SNTG1: variants seen among roughly 807,000 people sequenced by gnomAD.
The protein encoded by SNTG1 is gamma-1-syntrophin.
Under a neutral mutation model 74.7 loss-of-function variants are expected in SNTG1, and 39 were observed. The observed-to-expected ratio is 0.52, with a 90% CI of 0.40 to 0.68. The LOEUF (loss-of-function observed/expected upper bound fraction) is 0.68, where lower values mean the gene tolerates loss of function less well. Ranked by LOEUF, SNTG1 falls within the 30% of genes least tolerant of loss-of-function variation. The pLI is 0.00. For synonymous variants in SNTG1, 254 were observed against 217.1 expected, an observed-to-expected ratio of 1.17 and a Z score of -1.49; for missense variants, 685 against 609.5, an observed-to-expected ratio of 1.12 and a Z score of -1.30.
At chr8:50,327,584 G>A (rs918711855) in intron 2 of SNTG1, among the ~76,000 whole-genome samples, 8 of 152,146 alleles carry the variant, frequency 5.3e-5, no homozygotes, top group African/African-American at 1.9e-4. Flanking sequence ...AAAACATATA[G>A]TTGATTTTTA....
intron 8 of SNTG1, among the ~76,000 whole-genome samples, chr8:50,485,726 T>C (rs1161748549): frequency 2.0e-5 from 3 of 151,532 alleles, no homozygotes; most frequent in South Asian, 2.1e-4. Flanking sequence ...TTTGGTGTTT[T>C]AGACATGAAG....
intron 8 of SNTG1, among the ~76,000 whole-genome samples, chr8:50,463,830 T>A (rs1419183023): frequency 6.6e-6 from 1 of 152,218 alleles, no homozygotes; most frequent in Non-Finnish European, 1.5e-5. Flanking sequence ...CCTCTCTAGC[T>A]ATGAAAGTCC....
chr8:50,473,095 C>A (rs1306298144), intron 8 of SNTG1, among the ~76,000 whole-genome samples: 1 of 152,116 alleles, frequency 6.6e-6, no homozygotes, highest in Non-Finnish European at 1.5e-5. Flanking sequence ...TCTTGAATTG[C>A]AATCCCCACG....
intron 1 of SNTG1, among the ~76,000 whole-genome samples, chr8:50,115,575 A>AAAAAAAAAAAAAAAAAAAAAAC (rs1563617637): frequency 1.4e-4 from 21 of 144,862 alleles, no homozygotes; most frequent in Middle Eastern, 3.5e-3. Flanking sequence ...CTCAAAAAAA[A>AAAAAAAAAAAAAAAAAAAAAAC]AAAAAAAAAA....
chr8:50,345,228 A>T (rs1327019758), intron 2 of SNTG1, among the ~76,000 whole-genome samples: 1 of 152,242 alleles, frequency 6.6e-6, no homozygotes, highest in African/African-American at 2.4e-5. Flanking sequence ...TGGAACAGGC[A>T]CAGAATAGAC....
intron 2 of SNTG1, among the ~76,000 whole-genome samples, chr8:50,357,809 C>T (rs2091859631): frequency 6.6e-6 from 1 of 151,970 alleles, no homozygotes; most frequent in Non-Finnish European, 1.5e-5. Flanking sequence ...ATGAAATAAG[C>T]TTCATAAGAA....
intron 1 of SNTG1, among the ~76,000 whole-genome samples, chr8:50,098,721 A>G (rs2080020137): frequency 6.6e-6 from 1 of 152,176 alleles, no homozygotes; most frequent in Non-Finnish European, 1.5e-5. Flanking sequence ...TGAACAAGTT[A>G]TGTGTTTGAA....
intron 15 of SNTG1, among the ~76,000 whole-genome samples, chr8:50,659,184 A>C (rs1207880992): frequency 6.6e-6 from 1 of 152,212 alleles, no homozygotes; most frequent in Admixed American, 6.6e-5. Flanking sequence ...GTCATATATC[A>C]GTTGAATTTC....
chr8:50,178,410 C>T (rs2083080011), intron 2 of SNTG1, among the ~76,000 whole-genome samples: 2 of 146,120 alleles, frequency 1.4e-5, no homozygotes, highest in South Asian at 4.3e-4. Flanking sequence ...CGTGCGCGCG[C>T]ACACACACAC....
intron 15 of SNTG1, among the ~76,000 whole-genome samples, chr8:50,691,780 A>T (rs978126294): frequency 2.0e-5 from 3 of 151,976 alleles, no homozygotes; most frequent in African/African-American, 4.8e-5. Context: ...TATTTCCTGA[A>T]TTTGAATGTT....
chr8:50,328,625 A>G (rs1587152290), intron 2 of SNTG1, among the ~76,000 whole-genome samples: 1 of 152,254 alleles, frequency 6.6e-6, no homozygotes, highest in East Asian at 1.9e-4. Context: ...CATAGGAGAA[A>G]CCACCTCATG....
rs2080999845 is a variant in SNTG1, at chr8:50,121,621, A to G, written c.-102-50940A>G. Among the ~76,000 whole-genome samples the G allele has an allele frequency of 1.4e-5, 2 of 142,538 alleles. 1 individual carries two copies. The highest frequency in any genetic ancestry group is 5.1e-5 in the African/African-American group (2 of 39,348). 93.5% of individuals were successfully genotyped at this position (142,538 alleles called of 152,430 possible). A position where few individuals can be genotyped will look rare whatever the true frequency, so the allele number is the denominator to read the frequency against. ...TATTTTAGAATAATTAGAAACTGAA[A>G]CTAGTGACAGAGAAGGAGAATTTGT... On this transcript the variant is annotated intron_variant, in intron 1 of 18. Coordinates refer to ENST00000642720, the MANE Select transcript of SNTG1 (RefSeq NM_018967.5).
At chr8:50,473,461 T>C (rs2093669335) in intron 8 of SNTG1, among the ~76,000 whole-genome samples, 1 of 152,142 alleles carries the variant, frequency 6.6e-6, no homozygotes, top group Non-Finnish European at 1.5e-5. Context: ...TCCTGTGCAC[T>C]ATTGGTGGAA....
chr8:50,335,451 T>C (rs568364124), intron 2 of SNTG1, among the ~76,000 whole-genome samples: 74 of 152,312 alleles, frequency 4.9e-4, no homozygotes, highest in African/African-American at 1.7e-3. Context: ...TTGTTTGTGG[T>C]AGGAATACAC....
At chr8:49,919,747 G>T (rs556144958) in intron 1 of SNTG1, among the ~76,000 whole-genome samples, 1 of 152,002 alleles carries the variant, frequency 6.6e-6, no homozygotes, top group Non-Finnish European at 1.5e-5. Flanking sequence ...TCTATATTTG[G>T]TGACTTTTTT....
intron 8 of SNTG1, among the ~76,000 whole-genome samples, chr8:50,489,457 T>A (rs1171294460): frequency 6.6e-6 from 1 of 152,224 alleles, no homozygotes; most frequent in African/African-American, 2.4e-5. Flanking sequence ...GACCTTTTAA[T>A]GATCGCCATT....
At chr8:50,550,624 T>C (rs989344585) in intron 11 of SNTG1, among the ~76,000 whole-genome samples, 1 of 151,910 alleles carries the variant, frequency 6.6e-6, no homozygotes, top group Admixed American at 6.6e-5. Context: ...AAGTGCAGAG[T>C]GGAAAAACAA....
intron 1 of SNTG1, among the ~76,000 whole-genome samples, chr8:50,063,959 T>A (rs1313131507): frequency 1.3e-5 from 2 of 152,200 alleles, no homozygotes; most frequent in African/African-American, 4.8e-5. Context: ...CTAGCCAGAC[T>A]ACTTGAGTTC....
chr8:50,254,251 A>G (rs2086777206), intron 2 of SNTG1, among the ~76,000 whole-genome samples: 1 of 152,220 alleles, frequency 6.6e-6, no homozygotes, highest in Non-Finnish European at 1.5e-5. Context: ...ATGAAACTCA[A>G]AGACTATATT....
Sources: allele counts gnomAD v4.1 joint callset (sites outside exome capture counted in the v4.1 genomes callset), GRCh38; gene constraint gnomAD v4.1.1; transcripts MANE v1.5; gene names NCBI Gene and HGNC (gene_info 2026-07-23, HGNC 2026-07-21).